The following TSHZ2 variants were observed in gnomAD, a reference collection of about 807,000 sequenced individuals.
TSHZ2 encodes the protein teashirt homolog 2.
A neutral mutation model predicts 74.4 loss-of-function variants in TSHZ2; 21 were observed. The ratio of observed to expected loss-of-function variants is 0.28; its 90% CI spans 0.20 to 0.41. The LOEUF is 0.41. Ranked by LOEUF, TSHZ2 falls within the 10% of genes least tolerant of loss-of-function variation. TSHZ2 has a pLI of 1.00. For missense variants in TSHZ2, 1,244 were observed against 1,293.5 expected (o/e 0.96, Z 0.59); for synonymous variants, 540 against 515.3 (o/e 1.05, Z -0.65).
intron 2 of TSHZ2, among the ~76,000 whole-genome samples, chr20:53,424,126 C>T (rs1983579145): frequency 6.6e-6 from 1 of 152,256 alleles, no homozygotes; most frequent in South Asian, 2.1e-4. Context: ...GCAGTACTGA[C>T]ATTTGCAGTC....
intron 2 of TSHZ2, among the ~76,000 whole-genome samples, chr20:53,419,455 T>A (rs1158235227): frequency 6.6e-6 from 1 of 152,220 alleles, no homozygotes; most frequent in Non-Finnish European, 1.5e-5. Context: ...GACACTGTGC[T>A]AAACTCTTTA....
At chr20:53,322,441 A>C (rs1979307403) in intron 2 of TSHZ2, among the ~76,000 whole-genome samples, 1 of 151,716 alleles carries the variant, frequency 6.6e-6, no homozygotes, top group Admixed American at 6.6e-5. Context: ...TGAACTCAAG[A>C]GGTGGAGGTT....
chr20:53,097,607 G>T (rs1376819458), intron 1 of TSHZ2: 1 of 152,188 alleles, frequency 6.6e-6, no homozygotes. Context: ...CCAAACCTTG[G>T]CCTGCATGTT....
At chr20:52,988,854 G>A (rs768972339) in intron 1 of TSHZ2, among the ~76,000 whole-genome samples, 1 of 152,092 alleles carries the variant, frequency 6.6e-6, no homozygotes, top group Non-Finnish European at 1.5e-5. Flanking sequence ...TAAGTCAGAC[G>A]CTGCTCATCT....
intron 1 of TSHZ2, among the ~76,000 whole-genome samples, chr20:53,107,686 G>A (rs778116847): frequency 4.6e-5 from 7 of 152,198 alleles, no homozygotes; most frequent in Non-Finnish European, 7.3e-5. Flanking sequence ...GTGCATACAC[G>A]TGGGTGCCGC....
intron 1 of TSHZ2, among the ~76,000 whole-genome samples, chr20:53,050,867 G>C (rs1405006303): frequency 6.6e-6 from 1 of 152,202 alleles, no homozygotes; most frequent in Non-Finnish European, 1.5e-5. Context: ...GAATACATAG[G>C]ATGTTGGTAG....
chr20:53,034,331 A>T (rs902085778), intron 1 of TSHZ2, among the ~76,000 whole-genome samples: 4 of 152,182 alleles, frequency 2.6e-5, no homozygotes, highest in Non-Finnish European at 5.9e-5. Context: ...GCTTATATAT[A>T]TTATCAATAG....
chr20:53,341,764 G>A (rs1418362119), intron 2 of TSHZ2, among the ~76,000 whole-genome samples: 2 of 152,154 alleles, frequency 1.3e-5, no homozygotes, highest in African/African-American at 4.8e-5. Flanking sequence ...AGGCTGGAGT[G>A]CAATGATGTG....
At chr20:53,094,846 C>T (rs1476608386) in intron 1 of TSHZ2, among the ~76,000 whole-genome samples, 1 of 152,084 alleles carries the variant, frequency 6.6e-6, no homozygotes, top group African/African-American at 2.4e-5. Context: ...GTTAGATGGC[C>T]CTTTGTAAAG....
At chr20:53,180,683 T>C (rs1217894407) in intron 1 of TSHZ2, among the ~76,000 whole-genome samples, 1 of 152,178 alleles carries the variant, frequency 6.6e-6, no homozygotes, top group African/African-American at 2.4e-5. Flanking sequence ...ATTCGGGTGA[T>C]AGGTACACTA....
chr20:53,091,393 T>G (rs2747400), intron 1 of TSHZ2, among the ~76,000 whole-genome samples: 67,926 of 152,028 alleles, frequency 0.45, 15,635 homozygotes, highest in Admixed American at 0.54. Context: ...CGCTCCCGGT[T>G]TTCACTGGAT....
chr20:52,986,961 G>T (rs1016960309), intron 1 of TSHZ2, among the ~76,000 whole-genome samples: 23 of 151,950 alleles, frequency 1.5e-4, no homozygotes, highest in African/African-American at 5.6e-4. Context: ...TGTTGCACAA[G>T]CTGTGAAGAG....
rs1024221776 is a variant in TSHZ2, at chr20:53,081,056, C to T, written c.40+107723C>T. On this transcript the variant is annotated intron_variant, in intron 1 of 2. Transcript: ENST00000371497. The stretch of plus-strand genomic sequence containing the variant: ...TTAGAGACAGGATCTTTCTCTGTCA[C>T]CCAAGTTAGAGTGCAGTGGCATGAT... Among the ~76,000 whole-genome samples the T allele has an allele frequency of 5.3e-5, 8 of 152,296 alleles. No homozygotes were observed. The East Asian group carries it at 1.5e-3, about 29-fold the overall frequency.
At chr20:53,009,923 A>G (rs761723490) in intron 1 of TSHZ2, among the ~76,000 whole-genome samples, 6 of 152,112 alleles carry the variant, frequency 3.9e-5, no homozygotes, top group Non-Finnish European at 4.4e-5. Flanking sequence ...TGTTTGTTTG[A>G]TTTGTTTCTA....
intron 2 of TSHZ2, among the ~76,000 whole-genome samples, chr20:53,287,648 A>C (rs561151304): frequency 1.3e-5 from 2 of 152,180 alleles, no homozygotes; most frequent in Admixed American, 1.3e-4. Context: ...GATTGGAAAA[A>C]GCTTGGGAAA....
chr20:53,310,383 G>A (rs1978728533), intron 2 of TSHZ2, among the ~76,000 whole-genome samples: 1 of 152,202 alleles, frequency 6.6e-6, no homozygotes, highest in South Asian at 2.1e-4. Context: ...TCTGAATAAT[G>A]CGTGTATTTG....
At chr20:53,446,041 A>G (rs961038980) in intron 2 of TSHZ2, among the ~76,000 whole-genome samples, 1 of 151,870 alleles carries the variant, frequency 6.6e-6, no homozygotes, top group Non-Finnish European at 1.5e-5. Flanking sequence ...CCAGTACTTT[A>G]CCCGCTCTGT....
At chr20:53,011,160 C>T (rs909233621) in intron 1 of TSHZ2, among the ~76,000 whole-genome samples, 2 of 152,080 alleles carry the variant, frequency 1.3e-5, no homozygotes, top group Non-Finnish European at 2.9e-5. Flanking sequence ...TGTGAAAAGT[C>T]CTCAGATGAG....
In TSHZ2 at chr20:53,492,497, G is replaced by C. The variant is rs1340334224; in HGVS notation, c.*5362G>C. 1 of 152,198 alleles carries C rather than the reference G, an allele frequency of 6.6e-6. No individual in the cohort carries two copies. The highest frequency in any genetic ancestry group is 2.4e-5 in the African/African-American group (1 of 41,444). 9.4% of individuals were successfully genotyped at this position (152,198 alleles called of 1,614,324 possible). A position where few individuals can be genotyped will look rare whatever the true frequency, so the allele number is the denominator to read the frequency against. On this transcript the variant is annotated 3_prime_UTR_variant, in exon 3 of 3. Coordinates refer to ENST00000371497, the MANE Select transcript of TSHZ2 (RefSeq NM_173485.6). ...TACAAAACAATTCCCATTTGGCTCAGGGTTCCTAAATGTCACAATATCTTG... is the reference window on the plus strand; with the variant it reads ...TACAAAACAATTCCCATTTGGCTCACGGTTCCTAAATGTCACAATATCTTG...
Sources: gnomAD v4.1 joint callset for allele counts (sites outside exome capture counted in the v4.1 genomes callset) on GRCh38, gnomAD v4.1.1 for gene constraint, MANE v1.5 for transcripts, NCBI Gene and HGNC (gene_info 2026-07-23, HGNC 2026-07-21) for gene names.